CDH20: variants seen among roughly 807,000 people sequenced by gnomAD.
The protein encoded by CDH20 is cadherin-20.
CDH20 carries 29 observed loss-of-function variants against 74.2 expected under a neutral mutation model. The observed-to-expected ratio is 0.39, with a 90% CI of 0.29 to 0.53. CDH20 has a LOEUF of 0.53. Ranked by LOEUF, CDH20 falls within the 20% of genes least tolerant of loss-of-function variation. The pLI is 0.69. For synonymous variants in CDH20, 469 were observed against 405.4 expected (o/e 1.16, Z -1.88); for missense variants, 988 against 1,048.3 (o/e 0.94, Z 0.79).
chr18:61,552,775 G>GCATA (rs1913480581), intron 11 of CDH20, among the ~76,000 whole-genome samples: 1 of 152,146 alleles, frequency 6.6e-6, no homozygotes, highest in Non-Finnish European at 1.5e-5. Context: ...TTAGCATAGA[G>GCATA]GATTAAAAAT....
chr18:61,413,963 C>T (rs963956799), intron 1 of CDH20, among the ~76,000 whole-genome samples: 1 of 152,122 alleles, frequency 6.6e-6, no homozygotes, highest in African/African-American at 2.4e-5. Context: ...GTTCATAATA[C>T]ACCTCAGTAG....
intron 4 of CDH20, among the ~76,000 whole-genome samples, chr18:61,502,727 C>A (rs1911427976): frequency 6.6e-6 from 1 of 152,112 alleles, no homozygotes; most frequent in Non-Finnish European, 1.5e-5. Context: ...CAGAAGAAAC[C>A]AGCCCTCTGA....
In CDH20 at chr18:61,353,758, T is replaced by TG. The variant is rs1910390434; in HGVS notation, c.-153+19931_-153+19932insG. On this transcript the variant is annotated intron_variant, in intron 1 of 11. Coordinates refer to ENST00000262717, the MANE Select transcript of CDH20 (RefSeq NM_031891.4). The surrounding 1 kb of genome is among the most constrained non-coding windows in gnomAD (Gnocchi z 4.6). ...CTAACTACACAAGGACGTTCAGCTT[T>TG]AAACTTATGTTAATAAAAGTTAAAA... is the stretch of plus-strand genomic sequence containing the variant. 6.6e-6 allele frequency among the ~76,000 whole-genome samples: 1 copy of TG among 152,170 alleles called. No individual in the cohort carries two copies. Among genetic ancestry groups the TG allele is most frequent in the Non-Finnish European group, 1.5e-5 (1 of 68,036 alleles).
intron 1 of CDH20, among the ~76,000 whole-genome samples, chr18:61,392,808 G>A (rs1466473373): frequency 6.6e-6 from 1 of 151,186 alleles, no homozygotes; most frequent in African/African-American, 2.4e-5. Context: ...AAAAAAAGGT[G>A]GATAATTCAT....
At chr18:61,478,387 G>C (rs560408192) in intron 1 of CDH20, among the ~76,000 whole-genome samples, 1 of 152,000 alleles carries the variant, frequency 6.6e-6, no homozygotes, top group South Asian at 2.1e-4. Flanking sequence ...CCTGTTTTTA[G>C]TATATAAAAT....
At chr18:61,452,144 T>A (rs989138521) in intron 1 of CDH20, among the ~76,000 whole-genome samples, 2 of 152,184 alleles carry the variant, frequency 1.3e-5, no homozygotes, top group African/African-American at 4.8e-5. Flanking sequence ...TATCTCCTCC[T>A]TCCATTCAGT....
chr18:61,450,772 G>A (rs747141540), intron 1 of CDH20, among the ~76,000 whole-genome samples: 21 of 151,750 alleles, frequency 1.4e-4, no homozygotes, highest in Non-Finnish European at 2.5e-4. Flanking sequence ...AGTGTACCAC[G>A]GCCATATTTC....
intron 6 of CDH20, among the ~76,000 whole-genome samples, chr18:61,514,580 T>C (rs371661623): frequency 6.7e-6 from 1 of 149,008 alleles, no homozygotes; most frequent in Non-Finnish European, 1.5e-5. Flanking sequence ...GGCGCTCTGC[T>C]TTTTAGAGTT....
At position 61,409,920 on chromosome 18, in the gene CDH20, C is replaced by A. The variant is rs558414675; in HGVS notation, c.-153+76093C>A. ...GGGAAGTCACTGTCCCTGTGACTTC[C>A]GTTTTCTGACCATAGATGTCTGACC... is the stretch of plus-strand genomic sequence containing the variant. On this transcript the variant is annotated intron_variant, in intron 1 of 11. Transcript: ENST00000262717. Among the ~76,000 whole-genome samples the A allele has an allele frequency of 5.9e-5, 9 of 152,192 alleles. No individual in the cohort carries two copies. The South Asian group carries it at 1.9e-3, about 32-fold the overall frequency.
intron 1 of CDH20, among the ~76,000 whole-genome samples, chr18:61,336,167 G>A (rs917780069): frequency 2.0e-5 from 3 of 152,188 alleles, no homozygotes; most frequent in Admixed American, 6.5e-5. Flanking sequence ...AGCAATGTTC[G>A]TCTGGAGAAA....
At chr18:61,337,951 T>C (rs1599022548) in intron 1 of CDH20, among the ~76,000 whole-genome samples, 1 of 152,342 alleles carries the variant, frequency 6.6e-6, no homozygotes, top group South Asian at 2.1e-4. Flanking sequence ...AAAGCATTGT[T>C]ATAAAAGCAT....
intron 7 of CDH20, among the ~76,000 whole-genome samples, chr18:61,528,758 C>G (rs1281135128): frequency 6.6e-6 from 1 of 152,132 alleles, no homozygotes; most frequent in African/African-American, 2.4e-5. Context: ...AATCCATTGA[C>G]TCTCAGTGGT....
In CDH20 at chr18:61,358,116, CT is replaced by C. The variant is rs778820209; in HGVS notation, c.-153+24304del. 7.1e-3 allele frequency among the ~76,000 whole-genome samples: 981 copies of C among 138,072 alleles called. 4 individuals carry two copies. Among genetic ancestry groups the C allele is most frequent in the South Asian group, 0.012 (53 of 4,250 alleles). 90.6% of individuals were successfully genotyped at this position (138,072 alleles called of 152,430 possible). On this transcript the variant is annotated intron_variant, in intron 1 of 11. Transcript: ENST00000262717. Reference sequence around the variant, plus strand: ...TTTTATTTTGCTTCTGTTATTGTTCCTTTTTTTTTTTTTTTCGAGATGGAGT... The same window carrying C: ...TTTTATTTTGCTTCTGTTATTGTTCCTTTTTTTTTTTTTTCGAGATGGAGT...
chr18:61,408,788 AAAAC>A (rs1294705804), intron 1 of CDH20, among the ~76,000 whole-genome samples: 7 of 152,250 alleles, frequency 4.6e-5, no homozygotes, highest in Non-Finnish European at 8.8e-5. Context: ...GCCAAAAAAC[AAAAC>A]AAACAAACAA....
chr18:61,388,812 C>T (rs1911680530), intron 1 of CDH20, among the ~76,000 whole-genome samples: 1 of 152,148 alleles, frequency 6.6e-6, no homozygotes, highest in Non-Finnish European at 1.5e-5. Context: ...AACAAAAGGA[C>T]TGGGGCTTTC....
chr18:61,430,440 T>C (rs551713471), intron 1 of CDH20, among the ~76,000 whole-genome samples: 1 of 152,284 alleles, frequency 6.6e-6, no homozygotes, highest in Non-Finnish European at 1.5e-5. Context: ...TGCTCACCTT[T>C]CTGATACAGT....
chr18:61,524,782 G>T (rs1056209650), intron 6 of CDH20, among the ~76,000 whole-genome samples: 1 of 152,140 alleles, frequency 6.6e-6, no homozygotes, highest in South Asian at 2.1e-4. Context: ...TTAGCCAGGC[G>T]TGGTGGCACA....
At chr18:61,430,065 C>A (rs1192799040) in intron 1 of CDH20, among the ~76,000 whole-genome samples, 1 of 151,700 alleles carries the variant, frequency 6.6e-6, no homozygotes, top group Non-Finnish European at 1.5e-5. Context: ...AATATCCACT[C>A]CTGGCTTTTT....
chr18:61,338,927 T>C (rs1028781010), intron 1 of CDH20, among the ~76,000 whole-genome samples: 7 of 152,204 alleles, frequency 4.6e-5, no homozygotes, highest in African/African-American at 1.7e-4. Context: ...TTTAAAAATA[T>C]GTGTTGATTT....
Sources: gnomAD v4.1 joint callset for allele counts (sites outside exome capture counted in the v4.1 genomes callset) on GRCh38, gnomAD v4.1.1 for gene constraint, Gnocchi (gnomAD v3.1) non-coding constraint, MANE v1.5 for transcripts, NCBI Gene and HGNC (gene_info 2026-07-23, HGNC 2026-07-21) for gene names.